Variants in PCSK5 observed in about 807,000 individuals in gnomAD.
PCSK5 encodes the protein prohormone convertase 5.
Under a neutral mutation model 233.2 loss-of-function variants are expected in PCSK5, and 129 were observed. The observed-to-expected ratio is 0.55, with a 90% CI of 0.48 to 0.64. The LOEUF (loss-of-function observed/expected upper bound fraction) is 0.64. PCSK5 is among the 30% of genes least tolerant of loss of function. PCSK5 has a pLI of 0.00. For missense variants in PCSK5, 2,076 were observed against 2,430.1 expected (o/e 0.85, Z 3.06); for synonymous variants, 825 against 879.2 (o/e 0.94, Z 1.09).
chr9:76,041,530 A>G (rs1435523320), intron 5 of PCSK5, among the ~76,000 whole-genome samples: 1 of 152,236 alleles, frequency 6.6e-6, no homozygotes, highest in African/African-American at 2.4e-5. Flanking sequence ...GACTATGTCC[A>G]AACTCTTTAA....
At chr9:76,222,159 A>G (rs908527500) in intron 20 of PCSK5, among the ~76,000 whole-genome samples, 2 of 150,682 alleles carry the variant, frequency 1.3e-5, no homozygotes, top group African/African-American at 4.8e-5. Context: ...ATTTATTTCC[A>G]TTATCACAGG....
At chr9:76,227,965 G>A (rs1825950236) in intron 21 of PCSK5, among the ~76,000 whole-genome samples, 1 of 151,404 alleles carries the variant, frequency 6.6e-6, no homozygotes, top group African/African-American at 2.4e-5. Context: ...GTTCAAAAGT[G>A]AACTGTTCTT....
In PCSK5 at chr9:76,332,470, T is replaced by G; in HGVS notation, c.4608T>G (p.Tyr1536Ter). ...TCVKDCPEGY[Y>*]ADEDSNRCAH... ...TGAAGGACTGCCCAGAGGGCTATTA[T>G]GCCGATGAGGACAGCAACCGGTGTG... is the stretch of plus-strand genomic sequence containing the variant. The change falls in exon 34 of 38, where the codon TAT (tyrosine) becomes TAG (stop). Residue 1536 changes from tyrosine to a stop codon, truncating the protein, a stop_gained. Transcript: ENST00000674117. LOFTEE classifies it high-confidence loss of function. 6.2e-7 allele frequency: 1 copy of G among 1,612,762 alleles called. No individual in the cohort carries two copies.
chr9:76,198,444 C>T (rs1442564762), intron 20 of PCSK5, among the ~76,000 whole-genome samples: 2 of 152,050 alleles, frequency 1.3e-5, no homozygotes, highest in African/African-American at 2.4e-5. Context: ...TAATTTGGCC[C>T]ACACAAAAAT....
At position 76,360,088 on chromosome 9, in the gene PCSK5, T is replaced by C. The variant is rs1830404714; in HGVS notation, c.*1166T>C. 1 of 152,218 alleles carries C rather than the reference T, an allele frequency of 6.6e-6. No individual in the cohort carries two copies. The highest frequency in any genetic ancestry group is 1.5e-5 in the Non-Finnish European group (1 of 68,044). 9.4% of individuals were successfully genotyped at this position (152,218 alleles called of 1,614,324 possible). A position where few individuals can be genotyped will look rare whatever the true frequency, so the allele number is the denominator to read the frequency against. ...GTAACACAGAGAAGGGCTCTTGCTA[T>C]GCAAAATGATGTTGGCAGGGTCTTA... On this transcript the variant is annotated 3_prime_UTR_variant, in exon 38 of 38. Transcript: ENST00000674117.
In PCSK5 at chr9:76,169,777, G is replaced by A. The variant is rs145509473; in HGVS notation, c.1693G>A (p.Ala565Thr). 8.6e-4 allele frequency: 1,389 copies of A among 1,613,744 alleles called. 9 individuals are homozygous for A. The highest frequency in any genetic ancestry group is 6.7e-3 in the African/African-American group (504 of 75,026). ...MTIHCWGERA[A>T]GDWVLEVYDT... ...CATTCATTGCTGGGGAGAAAGAGCTGCTGGTGACTGGGTCCTTGAAGTTTA... is the reference window on the plus strand; with the variant it reads ...CATTCATTGCTGGGGAGAAAGAGCTACTGGTGACTGGGTCCTTGAAGTTTA... The change falls in exon 13 of 38, where the codon GCT becomes ACT. Residue 565 changes from alanine to threonine, a missense_variant. This residue lies in a region of PCSK5 where 50 missense variants were observed against 104.7 expected (regional missense o/e 0.48). Coordinates refer to ENST00000674117, the MANE Select transcript of PCSK5 (RefSeq NM_001372043.1).
At chr9:76,099,112 T>C (rs900944305) in intron 8 of PCSK5, among the ~76,000 whole-genome samples, 1 of 152,242 alleles carries the variant, frequency 6.6e-6, no homozygotes, top group African/African-American at 2.4e-5. Context: ...TTCCTTTTTG[T>C]TTAATGCATT....
At chr9:76,123,945 G>A (rs4113087) in intron 9 of PCSK5, among the ~76,000 whole-genome samples, 1 of 23,632 alleles carries the variant, frequency 4.2e-5, no homozygotes, top group East Asian at 2.2e-3. Context: ...CTTAGTTTTA[G>A]GATTTCTTTT....
intron 28 of PCSK5, 75 bp downstream of exon 28, chr9:76,302,292 C>A: frequency 1.5e-6 from 1 of 675,674 alleles, no homozygotes; most frequent in Non-Finnish European, 2.2e-6. Flanking sequence ...GGAGAAATCA[C>A]CCCAAGAAGC....
At chr9:75,948,885 TG>T (rs990282666) in intron 2 of PCSK5, among the ~76,000 whole-genome samples, 6 of 152,096 alleles carry the variant, frequency 3.9e-5, no homozygotes, top group Middle Eastern at 3.4e-3. Context: ...GAGAGCTTAT[TG>T]TGTACAAGGC....
At chr9:75,940,652 G>C (rs374232597) in intron 2 of PCSK5, among the ~76,000 whole-genome samples, 84 of 152,334 alleles carry the variant, frequency 5.5e-4, no homozygotes, top group African/African-American at 2.0e-3. Context: ...GAGTAAAATA[G>C]GTGTAATGGA....
intron 2 of PCSK5, among the ~76,000 whole-genome samples, chr9:75,949,940 A>G (rs1020956512): frequency 3.9e-5 from 6 of 152,200 alleles, no homozygotes; most frequent in Non-Finnish European, 7.3e-5. Context: ...GTATCCATCT[A>G]TGTTGGGACA....
intron 2 of PCSK5, among the ~76,000 whole-genome samples, chr9:75,942,227 G>A (rs1165548059): frequency 6.6e-6 from 1 of 152,228 alleles, no homozygotes; most frequent in Non-Finnish European, 1.5e-5. Context: ...GGACATGCAA[G>A]TCTCGACTTT....
At chr9:76,173,496 C>CTTTTCTTTTTTTTT (rs1823419967) in intron 13 of PCSK5, among the ~76,000 whole-genome samples, 1 of 60,968 alleles carries the variant, frequency 1.6e-5, no homozygotes, top group Non-Finnish European at 3.3e-5. Flanking sequence ...GGCACGTTTC[C>CTTTTCTTTTTTTTT]TTTTTTTTTT....
chr9:76,127,853 C>T lies in PCSK5; in HGVS notation c.1209-6256C>T, dbSNP rs1279857155. Among the ~76,000 whole-genome samples, 3 of 145,060 alleles carry T rather than the reference C, an allele frequency of 2.1e-5. No individual in the cohort carries two copies. In the Admixed American group the frequency reaches 2.1e-4, roughly 10 times the overall value. ...CTTGTGGAGTCAGCGTTATTTTCTC[C>T]ACATTGCGGCTGAGGAAACAGAGAC... On this transcript the variant is annotated intron_variant, in intron 9 of 37. Coordinates refer to ENST00000674117, the MANE Select transcript of PCSK5 (RefSeq NM_001372043.1).
intron 9 of PCSK5, among the ~76,000 whole-genome samples, chr9:76,124,030 C>A (rs1315227712): frequency 6.6e-6 from 1 of 151,846 alleles, no homozygotes; most frequent in African/African-American, 2.4e-5. Context: ...ATTAATATGT[C>A]CTGGAAAACA....
At chr9:76,238,195 T>C (rs112057933) in intron 22 of PCSK5, among the ~76,000 whole-genome samples, 1 of 152,242 alleles carries the variant, frequency 6.6e-6, no homozygotes, top group Non-Finnish European at 1.5e-5. Flanking sequence ...TCAGTAGTCA[T>C]CTTATTGTTG....
chr9:75,902,352 CT>C (rs1480137258), intron 1 of PCSK5, among the ~76,000 whole-genome samples: 1 of 151,150 alleles, frequency 6.6e-6, no homozygotes, highest in Non-Finnish European at 1.5e-5. Flanking sequence ...GGTGCCACTT[CT>C]GAAGTGGTTG....
chr9:76,254,736 C>G (rs959630593), intron 24 of PCSK5, among the ~76,000 whole-genome samples: 38 of 152,192 alleles, frequency 2.5e-4, no homozygotes, highest in African/African-American at 8.9e-4. Flanking sequence ...GGAATCTGAA[C>G]AGCATCTCTC....
Sources: allele counts gnomAD v4.1 joint callset (sites outside exome capture counted in the v4.1 genomes callset), GRCh38; gene constraint gnomAD v4.1.1; regional missense constraint gnomAD v4.1.1; transcripts MANE v1.5; gene names NCBI Gene and HGNC (gene_info 2026-07-23, HGNC 2026-07-21).